Variants in TCF7L2 observed in about 807,000 individuals in gnomAD.
TCF7L2 encodes transcription factor 7 like 2.
In TCF7L2, 23 loss-of-function variants were observed where a neutral mutation model predicts 77.9. The ratio of observed to expected loss-of-function variants is 0.30; its 90% CI spans 0.21 to 0.42. The LOEUF (loss-of-function observed/expected upper bound fraction) is 0.42, where lower values mean the gene tolerates loss of function less well. Among genes scored for constraint, TCF7L2 ranks in the 10% least tolerant of loss-of-function variants. The probability of loss-of-function intolerance (pLI) is 1.00; values close to 1 mark genes in which losing one functional copy is unlikely to be tolerated. For missense variants in TCF7L2, 654 were observed against 793.1 expected, an observed-to-expected ratio of 0.82 and a Z score of 2.11; for synonymous variants, 413 against 340.2, an observed-to-expected ratio of 1.21 and a Z score of -2.36.
At chr10:113,141,034 TGG>T in intron 5 of TCF7L2, 148 bp from the exon 6 acceptor site, 1 of 888,250 alleles carries the variant, frequency 1.1e-6, no homozygotes, top group Non-Finnish European at 1.7e-6. Flanking sequence ...TCACATGGAC[TGG>T]GGGGAGTATG....
At position 112,951,580 on chromosome 10, in the gene TCF7L2, C is replaced by A; in HGVS notation, c.354C>A (p.Asn118Lys). 1 of 1,360,850 alleles carries A rather than the reference C, an allele frequency of 7.3e-7. No individual in the cohort carries two copies. 84.3% of individuals were successfully genotyped at this position (1,360,850 alleles called of 1,614,324 possible). A position where few individuals can be genotyped will look rare whatever the true frequency, so the allele number is the denominator to read the frequency against. Residue 118 changes from asparagine to lysine, a missense_variant, in exon 3 of 14, where the codon AAC (asparagine) becomes AAA (lysine). Transcript: ENST00000627217. The stretch of plus-strand genomic sequence containing the variant: ...ACCTGACGAGCCCCTACCTCCCCAA[C>A]GGATCGCTCTCGCCCACCGCCCGAA...
chr10:113,125,387 T>G (rs1056483270), intron 5 of TCF7L2: 1 of 152,152 alleles, frequency 6.6e-6, no homozygotes, highest in African/African-American at 2.4e-5. Flanking sequence ...TTTTCTTTTT[T>G]TTCCCCTTCA....
In TCF7L2 at chr10:112,950,440, G is replaced by C. The variant is rs1344004073; in HGVS notation, c.-317G>C. 4 of 232,714 alleles carry C rather than the reference G, an allele frequency of 1.7e-5. No homozygotes were observed. The East Asian group carries it at 1.9e-4, about 11-fold the overall frequency. 14.4% of individuals were successfully genotyped at this position (232,714 alleles called of 1,614,324 possible). On this transcript the variant is annotated 5_prime_UTR_variant, in exon 1 of 14. Transcript: ENST00000627217. ...TGCTCTTTATATCTGACTTCTTGTT[G>C]TTGTTGGTGTTTTTTTTTTTTTTAC... is the stretch of plus-strand genomic sequence containing the variant.
Position 113,043,124 on chromosome 10 carries a change from T to C in TCF7L2, c.552+2998T>C, listed in dbSNP as rs985051434. On this transcript the variant is annotated intron_variant, in intron 5 of 13. Transcript: ENST00000627217. ...TGGGCCAAGCTATTTCATAATTATT[T>C]CTAATGTCTCGCTTGAAGAATAGGG... Among the ~76,000 whole-genome samples, 3 of 152,246 alleles carry C rather than the reference T, an allele frequency of 2.0e-5. No individual in the cohort carries two copies. In the East Asian group the frequency reaches 5.8e-4, roughly 29 times the overall value.
intron 4 of TCF7L2, among the ~76,000 whole-genome samples, chr10:112,986,380 T>C (rs892909213): frequency 2.6e-5 from 4 of 152,236 alleles, no homozygotes; most frequent in African/African-American, 9.6e-5. Context: ...AAGCAGTGAG[T>C]TGATTGCTTA....
chr10:113,085,519 G>A (rs1161693036), intron 5 of TCF7L2, among the ~76,000 whole-genome samples: 1 of 152,130 alleles, frequency 6.6e-6, no homozygotes, highest in Non-Finnish European at 1.5e-5. Flanking sequence ...TGGCTTACTA[G>A]GTGCTATTCG....
chr10:113,067,800 A>G (rs2057443628), intron 5 of TCF7L2, among the ~76,000 whole-genome samples: 1 of 151,330 alleles, frequency 6.6e-6, no homozygotes, highest in Non-Finnish European at 1.5e-5. Flanking sequence ...GTTATATATG[A>G]CCTTCTTTTT....
At chr10:113,148,210 G>T (rs1177362519) in intron 8 of TCF7L2, among the ~76,000 whole-genome samples, 3 of 152,120 alleles carry the variant, frequency 2.0e-5, no homozygotes. Flanking sequence ...ACACTCACTT[G>T]TGCCACCCTG....
intron 4 of TCF7L2, among the ~76,000 whole-genome samples, 184 bp downstream of exon 4, chr10:112,964,808 GT>G (rs1564719338): frequency 9.5e-4 from 111 of 116,998 alleles, no homozygotes; most frequent in African/African-American, 3.9e-3. Flanking sequence ...GGTGGTGGTG[GT>G]GGTGGGGGGG....
chr10:113,136,025 A>G (rs1340075576), intron 5 of TCF7L2, among the ~76,000 whole-genome samples: 2 of 152,166 alleles, frequency 1.3e-5, no homozygotes, highest in East Asian at 3.9e-4. Flanking sequence ...GCAGACTGGG[A>G]GAGTGTAGAA....
At chr10:113,111,420 A>AG (rs1433247598) in intron 5 of TCF7L2, among the ~76,000 whole-genome samples, 1 of 152,206 alleles carries the variant, frequency 6.6e-6, no homozygotes, top group Non-Finnish European at 1.5e-5. Context: ...AGTGCACCTA[A>AG]GGGAAGGATA....
intron 5 of TCF7L2, among the ~76,000 whole-genome samples, chr10:113,041,559 A>T (rs2134297596): frequency 6.6e-6 from 1 of 152,296 alleles, no homozygotes; most frequent in South Asian, 2.1e-4. Flanking sequence ...CAGGAGGTGA[A>T]AATAACTGCT....
chr10:113,020,929 A>T (rs2048174870), intron 4 of TCF7L2, among the ~76,000 whole-genome samples: 1 of 152,108 alleles, frequency 6.6e-6, no homozygotes, highest in Admixed American at 6.5e-5. Flanking sequence ...GGTCGGAGAG[A>T]CTAACTCTCT....
intron 4 of TCF7L2, among the ~76,000 whole-genome samples, chr10:112,967,118 A>G (rs1450880090): frequency 6.6e-6 from 1 of 152,266 alleles, no homozygotes; most frequent in East Asian, 1.9e-4. Flanking sequence ...TTGTTCCCAA[A>G]GTACATTGGG....
chr10:113,108,300 G>A (rs1301580652), intron 5 of TCF7L2, among the ~76,000 whole-genome samples: 6 of 152,200 alleles, frequency 3.9e-5, no homozygotes, highest in South Asian at 4.1e-4. Flanking sequence ...GTGAAGTGGG[G>A]AATCGCTTTT....
chr10:113,079,881 A>G (rs1384935950), intron 5 of TCF7L2, among the ~76,000 whole-genome samples: 2 of 151,868 alleles, frequency 1.3e-5, no homozygotes. Flanking sequence ...TGGTCTTGAA[A>G]TCCTGACCTC....
At chr10:113,142,210 G>A (rs1045063197) in intron 6 of TCF7L2, among the ~76,000 whole-genome samples, 5 of 152,124 alleles carry the variant, frequency 3.3e-5, no homozygotes, top group Non-Finnish European at 7.4e-5. Flanking sequence ...TCACCATGCT[G>A]GCCAGGCTGG....
At chr10:113,156,358 C>A (rs572259864) in intron 11 of TCF7L2, among the ~76,000 whole-genome samples, 25 of 152,262 alleles carry the variant, frequency 1.6e-4, no homozygotes, top group Middle Eastern at 3.4e-3. Context: ...TTGTGATCTG[C>A]CCGCCTTGGC....
chr10:113,069,860 TG>T, intron 5 of TCF7L2, among the ~76,000 whole-genome samples: 1 of 152,242 alleles, frequency 6.6e-6, no homozygotes, highest in Middle Eastern at 3.4e-3. Context: ...AGAATACTAG[TG>T]GCAAGAATGC....
Sources: allele counts gnomAD v4.1 joint callset (sites outside exome capture counted in the v4.1 genomes callset), GRCh38; gene constraint gnomAD v4.1.1; transcripts MANE v1.5; gene names NCBI Gene and HGNC (gene_info 2026-07-23, HGNC 2026-07-21).